Variants in ARHGAP35 observed in about 807,000 individuals in gnomAD.
ARHGAP35 encodes the protein rho GTPase-activating protein 35.
In ARHGAP35, 15 loss-of-function variants were observed where a neutral mutation model predicts 111.1. The observed-to-expected ratio is 0.13, with a 90% confidence interval of 0.09 to 0.21. The LOEUF is 0.21. Ranked by LOEUF, ARHGAP35 falls within the 10% of genes least tolerant of loss-of-function variation. ARHGAP35 has a pLI of 1.00. For missense variants in ARHGAP35, 1,262 were observed against 1,873.0 expected (o/e 0.67, Z 6.02); for synonymous variants, 643 against 710.3 (o/e 0.91, Z 1.51).
At position 46,973,566 on chromosome 19, in the gene ARHGAP35, C is replaced by T. The variant is rs2056563556; in HGVS notation, c.3827-14423C>T. ...TTAGCCGGGTGTGGTGGCGGGGCGCCTGTAGTCCCAGCTACTCGGGAGGCT... is the reference window on the plus strand; with the variant it reads ...TTAGCCGGGTGTGGTGGCGGGGCGCTTGTAGTCCCAGCTACTCGGGAGGCT... On this transcript the variant is annotated intron_variant, in intron 3 of 6. Coordinates refer to ENST00000672722, the MANE Select transcript of ARHGAP35 (RefSeq NM_004491.5). Among the ~76,000 whole-genome samples, 3 of 151,880 alleles carry T rather than the reference C, an allele frequency of 2.0e-5. No homozygotes were observed. The South Asian group carries it at 6.2e-4, about 31-fold the overall frequency.
chr19:46,950,813 G>C (rs1162665298), intron 3 of ARHGAP35, among the ~76,000 whole-genome samples: 1 of 152,196 alleles, frequency 6.6e-6, no homozygotes, highest in Non-Finnish European at 1.5e-5. Flanking sequence ...TACCTGCCGG[G>C]CCATCATAGG....
Position 46,921,069 on chromosome 19 carries a change from C to T in ARHGAP35, c.2394C>T (p.Asp798=), listed in dbSNP as rs1052665. 1 of 1,613,940 alleles carries T rather than the reference C, an allele frequency of 6.2e-7. No individual in the cohort carries two copies. The highest frequency in any genetic ancestry group is 2.2e-5 in the East Asian group (1 of 44,880). ...GTGGAGATCCTTTTAGTGCAGATGA[C>T]ATACTTTTTCCTGTCCTTCAGTCCC... is the stretch of plus-strand genomic sequence containing the variant. ...LMCGDPFSAD[D]ILFPVLQSQT... Residue 798 remains aspartate (D), a synonymous_variant, in exon 2 of 7, where the codon GAC becomes GAT. Coordinates refer to ENST00000672722, the MANE Select transcript of ARHGAP35 (RefSeq NM_004491.5). This position sits in a 1 kb window ranked among gnomAD's most constrained non-coding sequence, Gnocchi z 4.3.
intron 1 of ARHGAP35, among the ~76,000 whole-genome samples, chr19:46,907,337 A>G (rs1274004540): frequency 6.6e-6 from 1 of 151,002 alleles, no homozygotes; most frequent in Non-Finnish European, 1.5e-5. Context: ...TTTTTGGTAG[A>G]GACGGGATTT....
chr19:46,940,743 C>T (rs923099382), intron 3 of ARHGAP35, among the ~76,000 whole-genome samples: 2 of 152,068 alleles, frequency 1.3e-5, no homozygotes, highest in Non-Finnish European at 2.9e-5. Context: ...GCGTGAGCCA[C>T]TGTGCCCGGC....
chr19:46,922,448 G>T lies in ARHGAP35; in HGVS notation c.3681+92G>T. ...TGATTTTTCAAGGACAACCTATTCTGGTAAAAAAAAAACTGCCCTGTGTGT... is the reference window on the plus strand; with the variant it reads ...TGATTTTTCAAGGACAACCTATTCTTGTAAAAAAAAAACTGCCCTGTGTGT... On this transcript the variant is annotated intron_variant, in intron 2 of 6. Transcript: ENST00000672722. This position sits in a 1 kb window ranked among gnomAD's most constrained non-coding sequence, Gnocchi z 4.0. The T allele has an allele frequency of 7.8e-7, 1 of 1,274,190 alleles. No individual in the cohort carries two copies. The highest frequency in any genetic ancestry group is 1.0e-6 in the Non-Finnish European group (1 of 963,976). 78.9% of individuals were successfully genotyped at this position (1,274,190 alleles called of 1,614,324 possible).
At position 46,921,366 on chromosome 19, in the gene ARHGAP35, C is replaced by T. The variant is rs373804249; in HGVS notation, c.2691C>T (p.Asp897=). 104 of 1,613,886 alleles carry T rather than the reference C, an allele frequency of 6.4e-5. No individual in the cohort carries two copies. Among genetic ancestry groups the T allele is most frequent in the Admixed American group, 3.5e-4 (21 of 60,012 alleles). ...CTGATGGCGCTGTAGATGTCCTGGACAATGACTTAAGTAGGGAACAGCTAA... is the reference window on the plus strand; with the variant it reads ...CTGATGGCGCTGTAGATGTCCTGGATAATGACTTAAGTAGGGAACAGCTAA... The part of the protein sequence containing the change: ...ALTDGAVDVL[D]NDLSREQLTE... Residue 897 remains aspartate (D), a synonymous_variant, in exon 2 of 7, where the codon GAC becomes GAT. Transcript: ENST00000672722. The surrounding 1 kb of genome is among the most constrained non-coding windows in gnomAD (Gnocchi z 4.3).
rs111666251 is a variant in ARHGAP35, at chr19:46,970,142, A to G, written c.3827-17847A>G. Among the ~76,000 whole-genome samples the G allele has an allele frequency of 2.6e-3, 394 of 152,314 alleles. 3 individuals are homozygous for G. The highest frequency in any genetic ancestry group is 8.9e-3 in the African/African-American group (369 of 41,556). On this transcript the variant is annotated intron_variant, in intron 3 of 6. Transcript: ENST00000672722. ...AAAGAAAGTCATGGGGTGCAGGGTG[A>G]ATTCTTGGGGCTTGATCACTTCAAG... is the stretch of plus-strand genomic sequence containing the variant.
chr19:46,913,548 G>C (rs2056149139), intron 1 of ARHGAP35, among the ~76,000 whole-genome samples: 1 of 152,084 alleles, frequency 6.6e-6, no homozygotes, highest in Non-Finnish European at 1.5e-5. Flanking sequence ...AACTCTAGAT[G>C]CTTGGTGACA....
intron 1 of ARHGAP35, among the ~76,000 whole-genome samples, chr19:46,869,943 C>CTTTTTTT (rs746775975): frequency 9.0e-6 from 1 of 111,164 alleles, no homozygotes; most frequent in Non-Finnish European, 1.8e-5. Flanking sequence ...TCACTGTGTA[C>CTTTTTTT]TTTTTTTTTT....
At position 46,936,310 on chromosome 19, in the gene ARHGAP35, T is replaced by TTGCTGCTGCTACTGCTGC. The variant is rs569970843; in HGVS notation, c.3682-949_3682-932dup. 1.9e-4 allele frequency among the ~76,000 whole-genome samples: 29 copies of TTGCTGCTGCTACTGCTGC among 152,284 alleles called. No homozygotes were observed. The East Asian group carries it at 5.4e-3, about 28-fold the overall frequency. ...ATAGTAAGTTCTCAAGTGGTTGCTGTTGCTGCTGCTACTGCTGCTGCTAGT... is the reference window on the plus strand; with the variant it reads ...ATAGTAAGTTCTCAAGTGGTTGCTGTTGCTGCTGCTACTGCTGCTGCTGCTGCTACTGCTGCTGCTAGT... On this transcript the variant is annotated intron_variant, in intron 2 of 6. Transcript: ENST00000672722.
At chr19:46,910,931 C>T (rs2122181392) in intron 1 of ARHGAP35, among the ~76,000 whole-genome samples, 1 of 152,186 alleles carries the variant, frequency 6.6e-6, no homozygotes, top group East Asian at 1.9e-4. Context: ...GTCTTGAACT[C>T]CTGGTCTCAA....
chr19:46,966,732 T>A (rs1204765505), intron 3 of ARHGAP35, among the ~76,000 whole-genome samples: 1 of 152,210 alleles, frequency 6.6e-6, no homozygotes, highest in Non-Finnish European at 1.5e-5. Flanking sequence ...ATAATATTTC[T>A]GGCCTATCAA....
chr19:46,921,969 G>T lies in ARHGAP35; in HGVS notation c.3294G>T (p.Arg1098Ser). ...CCATGGATGCTGTGGTGAAGCCAAG[G>T]AATGAAGAAGAAAACATATACTCCG... ...AEPMDAVVKPRNEEENIYSVP... is the reference protein window; with the variant it reads ...AEPMDAVVKPSNEEENIYSVP... The change falls in exon 2 of 7, where the codon AGG (arginine) becomes AGT (serine). Residue 1098 changes from arginine (R) to serine (S), a missense_variant. Arg to Ser is a moderately radical substitution (Grantham distance 110). Transcript: ENST00000672722. This position sits in a 1 kb window ranked among gnomAD's most constrained non-coding sequence, Gnocchi z 4.3. The T allele has an allele frequency of 6.2e-7, 1 of 1,613,954 alleles. No individual in the cohort carries two copies. The highest frequency in any genetic ancestry group is 8.5e-7 in the Non-Finnish European group (1 of 1,179,892).
At chr19:46,883,897 T>C (rs576576743) in intron 1 of ARHGAP35, among the ~76,000 whole-genome samples, 2 of 151,818 alleles carry the variant, frequency 1.3e-5, no homozygotes, top group South Asian at 4.2e-4. Flanking sequence ...TCTACTAAAA[T>C]ACAAAAAATT....
intron 1 of ARHGAP35, among the ~76,000 whole-genome samples, chr19:46,866,350 C>T (rs2055857031): frequency 6.6e-6 from 1 of 152,190 alleles, no homozygotes; most frequent in African/African-American, 2.4e-5. Context: ...CTAGCCTCCT[C>T]ATTTACAGAT....
At chr19:46,916,108 G>A (rs1442511849) in intron 1 of ARHGAP35, among the ~76,000 whole-genome samples, 1 of 151,782 alleles carries the variant, frequency 6.6e-6, no homozygotes, top group Non-Finnish European at 1.5e-5. Context: ...CTAATTTGTT[G>A]TACTTTCAGT....
In ARHGAP35 at chr19:46,921,310, G is replaced by C. The variant is rs2056198443; in HGVS notation, c.2635G>C (p.Asp879His). Residue 879 changes from aspartate to histidine, a missense_variant, in exon 2 of 7, where the codon GAT becomes CAT. Asp to His is a moderately conservative substitution (Grantham distance 81, BLOSUM62 -1). Coordinates refer to ENST00000672722, the MANE Select transcript of ARHGAP35 (RefSeq NM_004491.5). This position sits in a 1 kb window ranked among gnomAD's most constrained non-coding sequence, Gnocchi z 4.3. ...ACGTGCCTTTCTTTGTGAAGTGCAG[G>C]ATATTATCCCTATTCAGCTTGTAGC... ...MLRAFLCEVQ[D>H]IIPIQLVALT... is the part of the protein sequence containing the mutation. 1.2e-6 allele frequency: 2 copies of C among 1,613,966 alleles called. No individual in the cohort carries two copies. The highest frequency in any genetic ancestry group is 8.5e-7 in the Non-Finnish European group (1 of 1,179,894).
chr19:46,862,324 A>C, intron 1 of ARHGAP35, among the ~76,000 whole-genome samples: 1 of 148,340 alleles, frequency 6.7e-6, no homozygotes, highest in African/African-American at 2.5e-5. Context: ...TCTCTTCCCC[A>C]CCTCCTTTTT....
In ARHGAP35 at chr19:46,922,244, A is replaced by T; in HGVS notation, c.3569A>T (p.Glu1190Val). Residue 1190 changes from glutamate to valine, a missense_variant, in exon 2 of 7, where the codon GAG (glutamate) becomes GTG (valine). Transcript: ENST00000672722. The surrounding 1 kb of genome is among the most constrained non-coding windows in gnomAD (Gnocchi z 4.0). ...GAGCTGGGGCCCATCCGGAAGAAAG[A>T]GGAGGATCAGGCATCCCAGGGTTAT... The part of the protein sequence containing the change: ...DDELGPIRKK[E>V]EDQASQGYKG... 6.2e-7 allele frequency: 1 copy of T among 1,614,020 alleles called. No homozygotes were observed. Among genetic ancestry groups the T allele is most frequent in the Non-Finnish European group, 8.5e-7 (1 of 1,179,892 alleles).
Sources: gnomAD v4.1 joint callset for allele counts (sites outside exome capture counted in the v4.1 genomes callset) on GRCh38, gnomAD v4.1.1 for gene constraint, Gnocchi (gnomAD v3.1) non-coding constraint, MANE v1.5 for transcripts, NCBI Gene and HGNC (gene_info 2026-07-23, HGNC 2026-07-21) for gene names.